Variants in FAM149B1 observed in about 807,000 individuals in gnomAD.
FAM149B1 encodes the protein family with sequence similarity 149 member B1, also known as primary cilium assembly protein FAM149B1.
FAM149B1 carries 56 observed loss-of-function variants against 75.3 expected under a neutral mutation model. The ratio of observed to expected loss-of-function variants is 0.74; its 90% CI spans 0.60 to 0.93. The LOEUF (loss-of-function observed/expected upper bound fraction) is 0.93. Ranked by LOEUF, FAM149B1 falls within the 40% of genes least tolerant of loss-of-function variation. The probability of loss-of-function intolerance (pLI) is 0.00; values close to 1 mark genes in which losing one functional copy is unlikely to be tolerated. For missense variants in FAM149B1, 639 were observed against 708.4 expected (o/e 0.90, Z 1.11); for synonymous variants, 259 against 256.1 (o/e 1.01, Z -0.11).
At chr10:73,174,985 G>A (rs1452788589) in intron 2 of FAM149B1, among the ~76,000 whole-genome samples, 194 bp downstream of exon 2, 2 of 152,138 alleles carry the variant, frequency 1.3e-5, no homozygotes, top group African/African-American at 4.8e-5. Flanking sequence ...TAACCTTTGA[G>A]AAGTAGTATT....
chr10:73,198,156 G>A (rs576212429), intron 5 of FAM149B1, among the ~76,000 whole-genome samples: 2 of 152,304 alleles, frequency 1.3e-5, no homozygotes, highest in Admixed American at 6.5e-5. Context: ...ACACCCACAT[G>A]CAGAACAACG....
chr10:73,177,923 C>T lies in FAM149B1; in HGVS notation c.230C>T (p.Thr77Ile), dbSNP rs1844045085. 4 of 1,551,638 alleles carry T rather than the reference C, an allele frequency of 2.6e-6. No individual in the cohort carries two copies. The highest frequency in any genetic ancestry group is 3.5e-6 in the Non-Finnish European group (4 of 1,146,910). The change falls in exon 3 of 14, where the codon ACA (threonine) becomes ATA (isoleucine). Residue 77 changes from threonine (T) to isoleucine (I), a missense_variant. Physicochemically the swap from Thr to Ile is moderately conservative, Grantham distance 89. Coordinates refer to ENST00000242505, the MANE Select transcript of FAM149B1 (RefSeq NM_173348.2). ...TCACTGTCTGCTTTTCCAAGTTATACAGGCGCAGGGATATCTACTGAAGGA... is the reference window on the plus strand; with the variant it reads ...TCACTGTCTGCTTTTCCAAGTTATATAGGCGCAGGGATATCTACTGAAGGA... Reference protein sequence around the residue: ...GNSLSAFPSYTGAGISTEGSS... With the variant: ...GNSLSAFPSYIGAGISTEGSS...
rs1232687623 is a variant in FAM149B1, at chr10:73,208,718, T to A, written c.642T>A (p.Asp214Glu). Residue 214 changes from aspartate to glutamate, a missense_variant, in exon 6 of 14, where the codon GAT (aspartate) becomes GAA (glutamate). By Grantham distance (45) the Asp-to-Glu change is conservative. Coordinates refer to ENST00000242505, the MANE Select transcript of FAM149B1 (RefSeq NM_173348.2). ...KSSSFCSMER[D>E]EEDSIIVSEG... ...CCAGCTTTTGTTCTATGGAAAGAGATGAGGAAGACTCTATAATCGTCTCAG... is the reference window on the plus strand; with the variant it reads ...CCAGCTTTTGTTCTATGGAAAGAGAAGAGGAAGACTCTATAATCGTCTCAG... The A allele has an allele frequency of 1.9e-6, 3 of 1,548,542 alleles. No individual in the cohort carries two copies. Among genetic ancestry groups the A allele is most frequent in the Admixed American group, 2.0e-5 (1 of 50,916 alleles).
chr10:73,196,567 C>T (rs569219287), intron 5 of FAM149B1, among the ~76,000 whole-genome samples: 12 of 152,206 alleles, frequency 7.9e-5, no homozygotes, highest in Admixed American at 5.2e-4. Flanking sequence ...ATTTATCAAC[C>T]GCTAAGACTT....
At chr10:73,223,312 G>A (rs547650433) in intron 7 of FAM149B1, among the ~76,000 whole-genome samples, 1 of 152,058 alleles carries the variant, frequency 6.6e-6, no homozygotes. Flanking sequence ...GATTCATATA[G>A]TATATACCCT....
intron 5 of FAM149B1, among the ~76,000 whole-genome samples, chr10:73,205,305 C>T (rs1377674686): frequency 6.6e-6 from 1 of 151,302 alleles, no homozygotes; most frequent in Non-Finnish European, 1.5e-5. Flanking sequence ...CTCATGAGAT[C>T]TAGTCATTTA....
intron 12 of FAM149B1, among the ~76,000 whole-genome samples, chr10:73,236,028 G>A (rs2043812763): frequency 6.6e-6 from 1 of 152,188 alleles, no homozygotes; most frequent in African/African-American, 2.4e-5. Flanking sequence ...GCCTGGGGAA[G>A]TAACCAGGGA....
intron 6 of FAM149B1, among the ~76,000 whole-genome samples, chr10:73,209,395 C>T (rs765495587): frequency 4.6e-5 from 7 of 152,094 alleles, no homozygotes; most frequent in Non-Finnish European, 1.0e-4. Context: ...TTGCAGTGAG[C>T]CGAGATCACG....
At position 73,243,235 on chromosome 10, in the gene FAM149B1, A is replaced by C. The variant is rs1265307522; in HGVS notation, c.*2216A>C. 1.4e-6 allele frequency: 1 copy of C among 695,528 alleles called. No individual in the cohort carries two copies. The highest frequency in any genetic ancestry group is 1.8e-5 in the African/African-American group (1 of 55,622). 43.1% of individuals were successfully genotyped at this position (695,528 alleles called of 1,614,324 possible). A position where few individuals can be genotyped will look rare whatever the true frequency, so the allele number is the denominator to read the frequency against. ...GTCAAGTGCTTTCTAGGAAATACTA[A>C]GATCAGGTTGAGAGATTCTGCTTGG... On this transcript the variant is annotated 3_prime_UTR_variant, in exon 14 of 14. Transcript: ENST00000242505.
chr10:73,186,055 C>A (rs1219657603), intron 3 of FAM149B1, among the ~76,000 whole-genome samples: 1 of 152,074 alleles, frequency 6.6e-6, no homozygotes, highest in Non-Finnish European at 1.5e-5. Context: ...CAAACCAAAT[C>A]TAGTCACATA....
In FAM149B1 at chr10:73,241,036, C is replaced by G; in HGVS notation, c.*17C>G. 7.0e-7 allele frequency: 1 copy of G among 1,423,840 alleles called. No individual in the cohort carries two copies. Among genetic ancestry groups the G allele is most frequent in the South Asian group, 1.2e-5 (1 of 81,078 alleles). 88.2% of individuals were successfully genotyped at this position (1,423,840 alleles called of 1,614,324 possible). On this transcript the variant is annotated 3_prime_UTR_variant, in exon 14 of 14. Transcript: ENST00000242505. ...GGACCATAAGGCAAATGAGAAGAAT[C>G]TATCAGGCTGCAGGAAACACGAGAT...
At chr10:73,208,238 C>T (rs920422447) in intron 5 of FAM149B1, among the ~76,000 whole-genome samples, 2 of 152,226 alleles carry the variant, frequency 1.3e-5, no homozygotes, top group Non-Finnish European at 2.9e-5. Flanking sequence ...TTTGTAAGTC[C>T]TCTGCAGAAG....
chr10:73,239,879 T>C (rs1250487516), intron 13 of FAM149B1, among the ~76,000 whole-genome samples: 2 of 152,198 alleles, frequency 1.3e-5, no homozygotes, highest in Non-Finnish European at 2.9e-5. Context: ...CTTTTTATCT[T>C]TAAATTATAC....
intron 5 of FAM149B1, among the ~76,000 whole-genome samples, chr10:73,194,102 T>C (rs1259742289): frequency 6.6e-6 from 1 of 152,134 alleles, no homozygotes; most frequent in Non-Finnish European, 1.5e-5. Context: ...AGGACAGAAC[T>C]CCCGTGATCC....
Position 73,234,904 on chromosome 10 carries a change from G to A in FAM149B1, c.1440G>A (p.Val480=), listed in dbSNP as rs774250509. Residue 480 remains valine (V), a synonymous_variant, in exon 11 of 14, where the codon GTG becomes GTA. Transcript: ENST00000242505. Reference sequence around the variant, plus strand: ...TACCACCTATTGGCACAGCTGAAGTGGAACATGTGAGCACTGTGGGGCCAC... The same window carrying A: ...TACCACCTATTGGCACAGCTGAAGTAGAACATGTGAGCACTGTGGGGCCAC... ...NLLPPIGTAE[V]EHVSTVGPQR... 5.9e-5 allele frequency: 92 copies of A among 1,551,904 alleles called. No homozygotes were observed. Among genetic ancestry groups the A allele is most frequent in the Non-Finnish European group, 7.8e-5 (89 of 1,147,056 alleles).
At chr10:73,234,968 T>C (rs1162158772) in intron 11 of FAM149B1, 28 bp downstream of exon 11, 1 of 1,550,394 alleles carries the variant, frequency 6.4e-7, no homozygotes, top group South Asian at 1.2e-5. Context: ...TGCCTCTCCA[T>C]GTACTTACCA....
chr10:73,190,269 A>G (rs1040039698), intron 3 of FAM149B1, among the ~76,000 whole-genome samples: 9 of 151,774 alleles, frequency 5.9e-5, no homozygotes, highest in African/African-American at 1.9e-4. Context: ...ACCCGAAGAA[A>G]GACATGTTTG....
intron 5 of FAM149B1, among the ~76,000 whole-genome samples, chr10:73,203,211 G>A (rs1470873085): frequency 6.6e-6 from 1 of 152,162 alleles, no homozygotes; most frequent in Non-Finnish European, 1.5e-5. Context: ...GGGCTAAATG[G>A]TATCCCTTGC....
At chr10:73,224,928 A>G (rs1447374915) in intron 7 of FAM149B1, among the ~76,000 whole-genome samples, 1 of 152,212 alleles carries the variant, frequency 6.6e-6, no homozygotes, top group African/African-American at 2.4e-5. Flanking sequence ...GCATAATGAC[A>G]CTTTGGTCAA....
Sources: allele counts gnomAD v4.1 joint callset (sites outside exome capture counted in the v4.1 genomes callset), GRCh38; gene constraint gnomAD v4.1.1; transcripts MANE v1.5; gene names NCBI Gene and HGNC (gene_info 2026-07-23, HGNC 2026-07-21).